The following BAZ2B variants were observed in gnomAD, a reference collection of about 807,000 sequenced individuals.
BAZ2B encodes the protein bromodomain adjacent to zinc finger domain 2B, also known as bromodomain adjacent to zinc finger domain protein 2B.
BAZ2B carries 91 observed loss-of-function variants against 246.0 expected under a neutral mutation model. The observed-to-expected ratio is 0.37, with a 90% CI of 0.31 to 0.44. The LOEUF is 0.44. Among genes scored for constraint, BAZ2B ranks in the 20% least tolerant of loss-of-function variants. The pLI is 1.00. For missense variants in BAZ2B, 2,332 were observed against 2,533.7 expected (o/e 0.92, Z 1.71); for synonymous variants, 855 against 860.0 (o/e 0.99, Z 0.10).
chr2:159,710,050 CTG>C, the BAZ2B span, among the ~76,000 whole-genome samples: 1 of 152,142 alleles, frequency 6.6e-6, no homozygotes, highest in Non-Finnish European at 1.5e-5. Flanking sequence ...TGGGGGAACT[CTG>C]TGGATAAAAG....
intron 2 of BAZ2B, among the ~76,000 whole-genome samples, chr2:159,551,296 C>T (rs910496456): frequency 5.9e-5 from 9 of 151,760 alleles, no homozygotes; most frequent in Middle Eastern, 3.2e-3. Context: ...GGTGAAACCC[C>T]GTCTCTACTA....
chr2:159,703,883 GA>G, the BAZ2B span, among the ~76,000 whole-genome samples: 1 of 151,876 alleles, frequency 6.6e-6, no homozygotes, highest in African/African-American at 2.4e-5. Context: ...ATTTTTTTTT[GA>G]AAAGTACAGA....
At chr2:159,533,675 A>G (rs577703974) in intron 2 of BAZ2B, among the ~76,000 whole-genome samples, 2 of 152,310 alleles carry the variant, frequency 1.3e-5, no homozygotes, top group South Asian at 4.1e-4. Context: ...ATAACTAATA[A>G]CACAACTGCC....
the BAZ2B span, among the ~76,000 whole-genome samples, chr2:159,640,172 A>T: frequency 6.6e-6 from 1 of 152,186 alleles, no homozygotes; most frequent in African/African-American, 2.4e-5. Flanking sequence ...AAATACTTAT[A>T]TATCCAACAC....
At chr2:159,383,551 TG>T in intron 24 of BAZ2B, 54 bp downstream of exon 24, 1 of 1,435,118 alleles carries the variant, frequency 7.0e-7, no homozygotes, top group Non-Finnish European at 9.7e-7. Context: ...TATGCTTTAC[TG>T]GGAATTTGTA....
intron 27 of BAZ2B, among the ~76,000 whole-genome samples, chr2:159,365,622 T>A (rs2060138759): frequency 6.6e-6 from 1 of 152,232 alleles, no homozygotes; most frequent in Non-Finnish European, 1.5e-5. Flanking sequence ...TCTCTCTTTA[T>A]TCCAAACATT....
At chr2:159,386,027 G>A (rs995403716) in intron 22 of BAZ2B, among the ~76,000 whole-genome samples, 1 of 152,156 alleles carries the variant, frequency 6.6e-6, no homozygotes, top group Admixed American at 6.6e-5. Flanking sequence ...TATAATATCA[G>A]AAGGCACATA....
chr2:159,483,818 A>G (rs1288368771), intron 2 of BAZ2B, among the ~76,000 whole-genome samples: 1 of 152,074 alleles, frequency 6.6e-6, no homozygotes, highest in Non-Finnish European at 1.5e-5. Flanking sequence ...AAACAAAAAA[A>G]TGAGAAGAAA....
At position 159,453,356 on chromosome 2, in the gene BAZ2B, C is replaced by T. The variant is rs141120615; in HGVS notation, c.334+257G>A. Among the ~76,000 whole-genome samples, 460 of 152,182 alleles carry T rather than the reference C, an allele frequency of 3.0e-3. 2 individuals carry two copies. The highest frequency in any genetic ancestry group is 0.011 in the African/African-American group (438 of 41,540). On this transcript the variant is annotated intron_variant, in intron 4 of 36. Coordinates refer to ENST00000392783, the MANE Select transcript of BAZ2B (RefSeq NM_013450.4). ...AACAAAAAAACATGAGAAAAACTTG[C>T]CTGAATTACTCTCTCCTGTGACAGA...
Position 159,385,254 on chromosome 2 carries a change from C to A in BAZ2B, c.3587G>T (p.Ser1196Ile). ...AHCGQTELTE[S>I]LKTKAFQAHT... Reference sequence around the variant, plus strand: ...AGCCTGAAAAGCTTTGGTCTTCAGACTTTCAGTAAGCTCAGTTTGTCCACA... The same window carrying A: ...AGCCTGAAAAGCTTTGGTCTTCAGAATTTCAGTAAGCTCAGTTTGTCCACA... Residue 1196 changes from serine to isoleucine, a missense_variant, in exon 23 of 37, where the codon AGT becomes ATT. By Grantham distance (142) the Ser-to-Ile change is moderately radical. This residue lies in a region of BAZ2B where 328 missense variants were observed against 410.4 expected (regional missense o/e 0.80). Transcript: ENST00000392783. The A allele has an allele frequency of 6.2e-7, 1 of 1,613,536 alleles. No homozygotes were observed.
Position 159,544,884 on chromosome 2 carries a change from G to GAT in BAZ2B, c.-3+10937_-3+10938dup, listed in dbSNP as rs544850349. 3.7e-4 allele frequency among the ~76,000 whole-genome samples: 56 copies of GAT among 152,316 alleles called. 1 individual carries two copies. The East Asian group carries it at 0.01, about 28-fold the overall frequency. Reference sequence around the variant, plus strand: ...AAACAGAGGGAAATTAATTTATGTAGATAGGGACAAGGCTACATTTAAATG... The same window carrying GAT: ...AAACAGAGGGAAATTAATTTATGTAGATATAGGGACAAGGCTACATTTAAATG... On this transcript the variant is annotated intron_variant, in intron 2 of 36. Transcript: ENST00000392783.
intron 13 of BAZ2B, among the ~76,000 whole-genome samples, chr2:159,417,528 C>T (rs1253116143): frequency 6.6e-6 from 1 of 151,866 alleles, no homozygotes; most frequent in East Asian, 1.9e-4. Flanking sequence ...AATTTGTATT[C>T]TTAGTGAATA....
chr2:159,373,253 A>G lies in BAZ2B; in HGVS notation c.4069-64T>C, dbSNP rs2061046049. On this transcript the variant is annotated intron_variant, in intron 26 of 36. Transcript: ENST00000392783. Reference sequence around the variant, plus strand: ...TTAAATGCTTTAAAAATTAATATATATGTAACTTTATACTTATTGTACCTT... The same window carrying G: ...TTAAATGCTTTAAAAATTAATATATGTGTAACTTTATACTTATTGTACCTT... The G allele has an allele frequency of 1.0e-5, 15 of 1,439,656 alleles. No homozygotes were observed. In the South Asian group the frequency reaches 1.3e-4, roughly 12 times the overall value. The allele number at this position is 1,439,656 out of a possible 1,614,324, so 89.2% of individuals were successfully genotyped here. A position where few individuals can be genotyped will look rare whatever the true frequency, so the allele number is the denominator to read the frequency against.
chr2:159,604,764 T>C (rs1693007468), intron 1 of BAZ2B, among the ~76,000 whole-genome samples: 1 of 152,170 alleles, frequency 6.6e-6, no homozygotes, highest in East Asian at 1.9e-4. Flanking sequence ...GGCCTTAACA[T>C]AGGCATAAAA....
At chr2:159,683,755 C>T in the BAZ2B span, among the ~76,000 whole-genome samples, 2 of 152,166 alleles carry the variant, frequency 1.3e-5, no homozygotes, top group Admixed American at 6.5e-5. Flanking sequence ...TACATTACTG[C>T]AATCTGTGCT....
rs1209810993 is a variant in BAZ2B at position 159,495,479 on chromosome 2, C to T, written c.-2-16758G>A. Among the ~76,000 whole-genome samples, 102 of 66,024 alleles carry T rather than the reference C, an allele frequency of 1.5e-3. 1 individual carries two copies. The highest frequency in any genetic ancestry group is 6.6e-3 in the African/African-American group (92 of 13,996). The allele number at this position is 66,024 out of a possible 152,430, so 43.3% of individuals were successfully genotyped here. On this transcript the variant is annotated intron_variant, in intron 2 of 36. Coordinates refer to ENST00000392783, the MANE Select transcript of BAZ2B (RefSeq NM_013450.4). The stretch of plus-strand genomic sequence containing the variant: ...CAGCCTGGGCGACAGAGCGAGACTC[C>T]GTCTCAAAAAAAAAAAAAAAAAAAA...
intron 13 of BAZ2B, among the ~76,000 whole-genome samples, chr2:159,420,306 G>T (rs10185459): frequency 0.06 from 9,059 of 152,098 alleles, 364 homozygotes; most frequent in South Asian, 0.12. Context: ...CTGATTAAAT[G>T]ACTCAGAAAA....
chr2:159,406,976 G>A (rs192559333), intron 14 of BAZ2B, among the ~76,000 whole-genome samples: 9 of 151,780 alleles, frequency 5.9e-5, no homozygotes, highest in Admixed American at 4.6e-4. Flanking sequence ...GGATGGTCTC[G>A]ATCTCCTGAC....
intron 20 of BAZ2B, among the ~76,000 whole-genome samples, chr2:159,391,701 T>C (rs2063349045): frequency 6.6e-6 from 1 of 152,092 alleles, no homozygotes. Context: ...TCTTGGAGTA[T>C]CAATTTTAGC....
Sources: gnomAD v4.1 joint callset for allele counts (sites outside exome capture counted in the v4.1 genomes callset) on GRCh38, gnomAD v4.1.1 for gene constraint, gnomAD v4.1.1 regional missense constraint, MANE v1.5 for transcripts, NCBI Gene and HGNC (gene_info 2026-07-23, HGNC 2026-07-21) for gene names.